The following TMEM38B variants were observed in gnomAD, a reference collection of about 807,000 sequenced individuals.
The protein encoded by TMEM38B is transmembrane protein 38B.
A neutral mutation model predicts 28.7 loss-of-function variants in TMEM38B; 24 were observed. The observed-to-expected ratio is 0.84, with a 90% CI of 0.61 to 1.18. The LOEUF (loss-of-function observed/expected upper bound fraction) is 1.18, where lower values mean the gene tolerates loss of function less well. TMEM38B is among the 50% of genes most tolerant of loss of function. TMEM38B has a pLI of 0.00. For missense variants in TMEM38B, 380 were observed against 350.9 expected, an observed-to-expected ratio of 1.08 and a Z score of -0.66; for synonymous variants, 131 against 127.7, an observed-to-expected ratio of 1.03 and a Z score of -0.17.
At chr9:105,733,273 ATTTC>A (rs986241538) in intron 4 of TMEM38B, among the ~76,000 whole-genome samples, 18 of 151,968 alleles carry the variant, frequency 1.2e-4, no homozygotes, top group African/African-American at 4.3e-4. Context: ...GGCCTCATGT[ATTTC>A]TTTATAGCAA....
At chr9:105,727,206 T>C (rs1484935966) in intron 4 of TMEM38B, among the ~76,000 whole-genome samples, 1 of 152,192 alleles carries the variant, frequency 6.6e-6, no homozygotes, top group African/African-American at 2.4e-5. Flanking sequence ...CACTGACCTA[T>C]ATTTCACATT....
At chr9:105,702,243 T>A (rs959685692) in intron 1 of TMEM38B, among the ~76,000 whole-genome samples, 3 of 152,162 alleles carry the variant, frequency 2.0e-5, no homozygotes, top group African/African-American at 4.8e-5. Context: ...AGAAGATAAA[T>A]CTATAAAGGG....
intron 4 of TMEM38B, among the ~76,000 whole-genome samples, chr9:105,736,528 A>G (rs193160694): frequency 5.6e-4 from 85 of 152,194 alleles, no homozygotes; most frequent in African/African-American, 1.9e-3. Flanking sequence ...TGAATTATCT[A>G]TCTGTATTCT....
chr9:105,747,527 G>A (rs182848713), intron 4 of TMEM38B, among the ~76,000 whole-genome samples: 1 of 152,154 alleles, frequency 6.6e-6, no homozygotes, highest in African/African-American at 2.4e-5. Context: ...CAAAAAAACA[G>A]CTCCTGGATT....
intron 2 of TMEM38B, among the ~76,000 whole-genome samples, chr9:105,714,444 C>G (rs930885447): frequency 6.6e-6 from 1 of 152,166 alleles, no homozygotes; most frequent in African/African-American, 2.4e-5. Flanking sequence ...TCCCAAAATA[C>G]AAATAGATAC....
At chr9:105,771,810 T>C (rs1826554047) in intron 5 of TMEM38B, among the ~76,000 whole-genome samples, 1 of 152,184 alleles carries the variant, frequency 6.6e-6, no homozygotes, top group South Asian at 2.1e-4. Context: ...ATAAATGACT[T>C]CCAGATCTAT....
chr9:105,747,691 C>G (rs1480260262), intron 4 of TMEM38B, among the ~76,000 whole-genome samples: 1 of 152,102 alleles, frequency 6.6e-6, no homozygotes, highest in African/African-American at 2.4e-5. Context: ...TTAGATCTTT[C>G]CTGCTTTCTC....
chr9:105,732,115 G>T (rs1428319891), intron 4 of TMEM38B, among the ~76,000 whole-genome samples: 5 of 152,178 alleles, frequency 3.3e-5, no homozygotes, highest in Non-Finnish European at 4.4e-5. Context: ...CTTTTGAGAA[G>T]TGTCTGTTCA....
intron 4 of TMEM38B, among the ~76,000 whole-genome samples, chr9:105,743,959 C>G (rs1322076573): frequency 6.6e-6 from 1 of 152,028 alleles, no homozygotes; most frequent in Admixed American, 6.6e-5. Flanking sequence ...GTTGGAGAGT[C>G]AGAATATGTA....
chr9:105,744,048 A>C (rs1201266895), intron 4 of TMEM38B, among the ~76,000 whole-genome samples: 1 of 151,762 alleles, frequency 6.6e-6, no homozygotes, highest in African/African-American at 2.4e-5. Context: ...CTTTTTTTTT[A>C]TTTTTGCTAA....
rs73668919 is a variant in TMEM38B at position 105,695,074 on chromosome 9, G to A, written c.112+302G>A. On this transcript the variant is annotated intron_variant, in intron 1 of 5. Transcript: ENST00000374692. Reference sequence around the variant, plus strand: ...TGCCAACCGCCCGCAGAAGTCCCAGGACTGACAGAAGCTGCCGCAGCGTTT... The same window carrying A: ...TGCCAACCGCCCGCAGAAGTCCCAGAACTGACAGAAGCTGCCGCAGCGTTT... 0.024 allele frequency among the ~76,000 whole-genome samples: 3,592 copies of A among 151,668 alleles called. 74 individuals are homozygous for A. The highest frequency in any genetic ancestry group is 0.085 in the Middle Eastern group (25 of 294).
At chr9:105,748,285 A>G (rs1837508507) in intron 5 of TMEM38B, 95 bp downstream of exon 5, 7 of 823,126 alleles carry the variant, frequency 8.5e-6, no homozygotes, top group South Asian at 1.8e-5. Context: ...AGGAACATTT[A>G]TTTATTATTA....
At position 105,707,329 on chromosome 9, in the gene TMEM38B, G is replaced by A. The variant is rs541446007; in HGVS notation, c.269+1576G>A. 5.3e-5 allele frequency among the ~76,000 whole-genome samples: 8 copies of A among 151,844 alleles called. No individual in the cohort carries two copies. In the South Asian group the frequency reaches 1.5e-3, roughly 28 times the overall value. On this transcript the variant is annotated intron_variant, in intron 2 of 5. Transcript: ENST00000374692. ...TGAAGTGAAGAAAAAAATGTTACCCGGAATTGCCTTGAATTCTTGCAAATC... is the reference window on the plus strand; with the variant it reads ...TGAAGTGAAGAAAAAAATGTTACCCAGAATTGCCTTGAATTCTTGCAAATC...
intron 2 of TMEM38B, among the ~76,000 whole-genome samples, chr9:105,718,515 G>T (rs1305441598): frequency 6.6e-6 from 1 of 152,164 alleles, no homozygotes; most frequent in Non-Finnish European, 1.5e-5. Context: ...TGGGATTACA[G>T]GCATGAGCCA....
At chr9:105,710,013 A>G (rs1251769268) in intron 2 of TMEM38B, among the ~76,000 whole-genome samples, 2 of 152,224 alleles carry the variant, frequency 1.3e-5, no homozygotes, top group Admixed American at 6.5e-5. Flanking sequence ...ATATTTAGGG[A>G]TTAGTTTCCG....
At chr9:105,718,834 A>G (rs568570743) in intron 2 of TMEM38B, among the ~76,000 whole-genome samples, 1 of 152,240 alleles carries the variant, frequency 6.6e-6, no homozygotes, top group East Asian at 1.9e-4. Flanking sequence ...TATATGGCAC[A>G]TTTGTGTAAC....
chr9:105,705,737 C>T lies in TMEM38B; in HGVS notation c.253C>T (p.Leu85=). Residue 85 remains leucine (L), a synonymous_variant, in exon 2 of 6, where the codon CTG becomes TTG. Coordinates refer to ENST00000374692, the MANE Select transcript of TMEM38B (RefSeq NM_018112.3). ...TCTTGCAAACCACACTAACATATTA[C>T]TGGCATCTTCAATCTGGTAAGCTGC... ...KFLANHTNIL[L]ASSIWYITFF... 2 of 1,613,176 alleles carry T rather than the reference C, an allele frequency of 1.2e-6. No homozygotes were observed. Among genetic ancestry groups the T allele is most frequent in the Non-Finnish European group, 1.7e-6 (2 of 1,179,846 alleles).
At chr9:105,772,761 G>A (rs1826596376) in intron 5 of TMEM38B, among the ~76,000 whole-genome samples, 1 of 151,930 alleles carries the variant, frequency 6.6e-6, no homozygotes, top group African/African-American at 2.4e-5. Context: ...GTTGTGTGTG[G>A]ATGTGTTTTT....
chr9:105,771,255 A>G (rs901551113), intron 5 of TMEM38B, among the ~76,000 whole-genome samples: 3 of 152,194 alleles, frequency 2.0e-5, no homozygotes, highest in Non-Finnish European at 4.4e-5. Flanking sequence ...TAAAAGAATA[A>G]GGATTTATTC....
Sources: allele counts gnomAD v4.1 joint callset (sites outside exome capture counted in the v4.1 genomes callset), GRCh38; gene constraint gnomAD v4.1.1; transcripts MANE v1.5; gene names NCBI Gene and HGNC (gene_info 2026-07-23, HGNC 2026-07-21).